Variants in CA10 observed in about 807,000 individuals in gnomAD.
CA10 encodes carbonic anhydrase 10 (inactive).
A neutral mutation model predicts 44.2 loss-of-function variants in CA10; 14 were observed. The observed-to-expected ratio is 0.32, with a 90% CI of 0.21 to 0.50. The LOEUF (loss-of-function observed/expected upper bound fraction) is 0.50. Ranked by LOEUF, CA10 falls within the 20% of genes least tolerant of loss-of-function variation. The probability of loss-of-function intolerance (pLI) is 0.99; values close to 1 mark genes in which losing one functional copy is unlikely to be tolerated. For synonymous variants in CA10, 159 were observed against 141.6 expected, an observed-to-expected ratio of 1.12 and a Z score of -0.87; for missense variants, 350 against 409.7, an observed-to-expected ratio of 0.85 and a Z score of 1.26.
chr17:51,641,366 T>A (rs921555671), intron 6 of CA10, among the ~76,000 whole-genome samples: 1 of 152,136 alleles, frequency 6.6e-6, no homozygotes, highest in Non-Finnish European at 1.5e-5. Context: ...CCTGGAAAAT[T>A]GCATCTTCAG....
At chr17:51,658,079 G>C (rs923519431) in intron 4 of CA10, among the ~76,000 whole-genome samples, 1 of 152,134 alleles carries the variant, frequency 6.6e-6, no homozygotes, top group Non-Finnish European at 1.5e-5. Context: ...ATGGCAGGCA[G>C]TCTTCCAGGG....
At chr17:52,107,381 C>T (rs972006285) in intron 1 of CA10, among the ~76,000 whole-genome samples, 2 of 152,132 alleles carry the variant, frequency 1.3e-5, no homozygotes, top group South Asian at 2.1e-4. Context: ...GAGGAATTTT[C>T]GGAAAGATAA....
intron 3 of CA10, among the ~76,000 whole-genome samples, chr17:51,924,825 C>T (rs183447709): frequency 2.6e-5 from 4 of 152,262 alleles, no homozygotes; most frequent in African/African-American, 9.6e-5. Context: ...ATGAGGGATC[C>T]TCATGACTCA....
intron 3 of CA10, among the ~76,000 whole-genome samples, chr17:51,863,559 T>A (rs1473000238): frequency 6.6e-6 from 1 of 152,188 alleles, no homozygotes; most frequent in Non-Finnish European, 1.5e-5. Flanking sequence ...AAGGGCATAG[T>A]TTTCCACAAA....
intron 4 of CA10, among the ~76,000 whole-genome samples, chr17:51,681,463 T>A (rs1914843372): frequency 6.6e-6 from 1 of 152,190 alleles, no homozygotes; most frequent in South Asian, 2.1e-4. Context: ...TTGGCACTGT[T>A]CATATATTGG....
chr17:51,747,994 A>G (rs1238815701), intron 3 of CA10, among the ~76,000 whole-genome samples, 176 bp from the exon 4 acceptor site: 2 of 152,194 alleles, frequency 1.3e-5, no homozygotes, highest in East Asian at 3.8e-4. Context: ...GATCTATGGT[A>G]ATTTCTGTGA....
Position 52,060,799 on chromosome 17 carries a change from T to C in CA10, c.136+11520A>G, listed in dbSNP as rs142745461. Among the ~76,000 whole-genome samples, 593 of 152,334 alleles carry C rather than the reference T, an allele frequency of 3.9e-3. 5 individuals carry two copies. The highest frequency in any genetic ancestry group is 0.011 in the African/African-American group (475 of 41,586). On this transcript the variant is annotated intron_variant, in intron 2 of 8. Coordinates refer to ENST00000451037, the MANE Select transcript of CA10 (RefSeq NM_020178.5). ...ACCTGTTAATCAAATTTATACATAT[T>C]TGTAGTGGAAAGAGCATTGGATTAG...
chr17:51,631,444 C>A lies in CA10; in HGVS notation c.*140G>T. Reference sequence around the variant, plus strand: ...CTGCCATGGTTTTGCAGACACTTTTCATGAAGAAAGGGCCAATCCCAAGAA... The same window carrying A: ...CTGCCATGGTTTTGCAGACACTTTTAATGAAGAAAGGGCCAATCCCAAGAA... On this transcript the variant is annotated 3_prime_UTR_variant, in exon 9 of 9. Coordinates refer to ENST00000451037, the MANE Select transcript of CA10 (RefSeq NM_020178.5). The A allele has an allele frequency of 1.2e-6, 1 of 809,218 alleles. No homozygotes were observed. The allele number at this position is 809,218 out of a possible 1,614,324, so 50.1% of individuals were successfully genotyped here.
intron 3 of CA10, among the ~76,000 whole-genome samples, chr17:51,913,420 G>A (rs999977368): frequency 2.6e-5 from 4 of 152,082 alleles, no homozygotes; most frequent in Admixed American, 2.6e-4. Context: ...CACTCAAATG[G>A]TATCCTAGCA....
At chr17:52,133,373 T>A (rs546484728) in intron 1 of CA10, among the ~76,000 whole-genome samples, 2 of 152,074 alleles carry the variant, frequency 1.3e-5, no homozygotes, top group Admixed American at 1.3e-4. Context: ...TTTTTTAAAG[T>A]GGTTAGCAAA....
At chr17:51,919,149 G>A (rs959317179) in intron 3 of CA10, among the ~76,000 whole-genome samples, 1 of 151,970 alleles carries the variant, frequency 6.6e-6, no homozygotes, top group African/African-American at 2.4e-5. Flanking sequence ...TCTTTTCTGA[G>A]GTAGTAGATA....
intron 3 of CA10, among the ~76,000 whole-genome samples, chr17:51,928,913 C>T (rs937334466): frequency 1.4e-4 from 22 of 152,130 alleles, no homozygotes; most frequent in Non-Finnish European, 4.4e-5. Flanking sequence ...TTATTTTCTA[C>T]CTTTCACAAA....
At chr17:51,668,450 TC>T (rs1197232594) in intron 4 of CA10, among the ~76,000 whole-genome samples, 1 of 152,180 alleles carries the variant, frequency 6.6e-6, no homozygotes, top group Non-Finnish European at 1.5e-5. Flanking sequence ...AAACTGTCTT[TC>T]AGACAGGAGG....
chr17:51,743,874 C>A (rs139711213), intron 4 of CA10, among the ~76,000 whole-genome samples: 1 of 152,160 alleles, frequency 6.6e-6, no homozygotes, highest in African/African-American at 2.4e-5. Context: ...ACCAGATTCG[C>A]GCAATCTACC....
intron 3 of CA10, among the ~76,000 whole-genome samples, chr17:51,788,011 G>T (rs959937842): frequency 1.3e-5 from 2 of 151,852 alleles, no homozygotes; most frequent in East Asian, 3.9e-4. Flanking sequence ...GGGTTGGTTT[G>T]CTCTTGCTTT....
chr17:51,717,868 T>TATAC (rs1555589918), intron 4 of CA10, among the ~76,000 whole-genome samples: 2 of 105,922 alleles, frequency 1.9e-5, no homozygotes, highest in African/African-American at 7.9e-5. Context: ...TATATATATA[T>TATAC]ACAGGATAGA....
At chr17:51,736,974 C>T (rs544037201) in intron 4 of CA10, among the ~76,000 whole-genome samples, 5 of 152,278 alleles carry the variant, frequency 3.3e-5, no homozygotes, top group African/African-American at 9.6e-5. Flanking sequence ...AGAAACAGTG[C>T]AGACTGTTCT....
chr17:52,097,844 G>A (rs1988442929), intron 1 of CA10, among the ~76,000 whole-genome samples: 1 of 152,154 alleles, frequency 6.6e-6, no homozygotes, highest in African/African-American at 2.4e-5. Context: ...GACAGAATGA[G>A]GATGACTTTA....
intron 1 of CA10, among the ~76,000 whole-genome samples, chr17:52,116,832 T>A (rs1010392295): frequency 7.9e-5 from 12 of 152,204 alleles, no homozygotes; most frequent in Non-Finnish European, 1.6e-4. Flanking sequence ...ATGATAAGAA[T>A]CACTGTTTAT....
Sources: gnomAD v4.1 joint callset for allele counts (sites outside exome capture counted in the v4.1 genomes callset) on GRCh38, gnomAD v4.1.1 for gene constraint, MANE v1.5 for transcripts, NCBI Gene and HGNC (gene_info 2026-07-23, HGNC 2026-07-21) for gene names.